ZNF385B: variants seen among roughly 807,000 people sequenced by gnomAD.
ZNF385B encodes the protein zinc finger protein 385B, also known as zinc finger protein 533.
Under a neutral mutation model 39.2 loss-of-function variants are expected in ZNF385B, and 23 were observed. That is an observed-to-expected ratio of 0.59 (90% CI 0.42 to 0.83). The LOEUF is 0.83. Among genes scored for constraint, ZNF385B ranks in the 40% least tolerant of loss-of-function variants. The probability of loss-of-function intolerance (pLI) is 0.00; values close to 1 mark genes in which losing one functional copy is unlikely to be tolerated. For missense variants in ZNF385B, 552 were observed against 598.9 expected (o/e 0.92, Z 0.82); for synonymous variants, 205 against 222.6 (o/e 0.92, Z 0.70).
chr2:179,676,543 G>A (rs1417463449), intron 3 of ZNF385B, among the ~76,000 whole-genome samples: 1 of 152,310 alleles, frequency 6.6e-6, no homozygotes, highest in African/African-American at 2.4e-5. Context: ...AACATGATGA[G>A]ATTTGAGTTC....
chr2:179,598,975 T>A (rs1442148187), intron 3 of ZNF385B, among the ~76,000 whole-genome samples: 1 of 152,168 alleles, frequency 6.6e-6, no homozygotes, highest in Admixed American at 6.6e-5. Context: ...ATGTTTACAG[T>A]AAAAAGAAGA....
chr2:179,818,056 G>C (rs1400735082), intron 1 of ZNF385B, among the ~76,000 whole-genome samples: 1 of 152,226 alleles, frequency 6.6e-6, no homozygotes, highest in East Asian at 1.9e-4. Context: ...GTGAATGTGT[G>C]TGTGTAGTAT....
intron 3 of ZNF385B, among the ~76,000 whole-genome samples, chr2:179,611,038 C>T (rs1001815617): frequency 3.3e-5 from 5 of 151,986 alleles, no homozygotes; most frequent in African/African-American, 1.2e-4. Flanking sequence ...TTCTTTTATT[C>T]TCTTGTCTGA....
intron 1 of ZNF385B, among the ~76,000 whole-genome samples, chr2:179,831,572 T>C (rs948676276): frequency 3.3e-5 from 5 of 152,064 alleles, no homozygotes; most frequent in African/African-American, 1.2e-4. Context: ...TAGAAATACA[T>C]ACACTTGGAA....
chr2:179,693,671 A>T (rs941777924), intron 3 of ZNF385B, among the ~76,000 whole-genome samples: 3 of 152,204 alleles, frequency 2.0e-5, no homozygotes, highest in Admixed American at 2.0e-4. Flanking sequence ...TAAACATGTA[A>T]CATCATTCAA....
At chr2:179,639,196 C>T (rs183357253) in intron 3 of ZNF385B, among the ~76,000 whole-genome samples, 2 of 126,284 alleles carry the variant, frequency 1.6e-5, no homozygotes, top group Admixed American at 2.1e-4. Context: ...CCGCTGTACT[C>T]CAGTCTGGGG....
intron 1 of ZNF385B, among the ~76,000 whole-genome samples, chr2:179,829,328 G>C (rs964212326): frequency 6.6e-6 from 1 of 152,022 alleles, no homozygotes; most frequent in Non-Finnish European, 1.5e-5. Context: ...TCACTTACCA[G>C]AGTGAAAATT....
intron 6 of ZNF385B, among the ~76,000 whole-genome samples, chr2:179,465,006 T>G (rs1275379466): frequency 6.6e-6 from 1 of 152,146 alleles, no homozygotes; most frequent in Non-Finnish European, 1.5e-5. Context: ...GAAGTGGGTG[T>G]GTGAAATATG....
At chr2:179,560,693 C>G (rs2061274370) in intron 3 of ZNF385B, among the ~76,000 whole-genome samples, 1 of 152,140 alleles carries the variant, frequency 6.6e-6, no homozygotes, top group South Asian at 2.1e-4. Flanking sequence ...CTCTCTGTTT[C>G]TGTACATTTG....
At chr2:179,632,391 A>C (rs577771391) in intron 3 of ZNF385B, among the ~76,000 whole-genome samples, 22 of 152,364 alleles carry the variant, frequency 1.4e-4, no homozygotes, top group Non-Finnish European at 1.5e-5. Flanking sequence ...CTCAGGATTA[A>C]GAAACTCACT....
chr2:179,468,424 T>C (rs2052359181), intron 6 of ZNF385B, among the ~76,000 whole-genome samples: 1 of 152,228 alleles, frequency 6.6e-6, no homozygotes, highest in East Asian at 1.9e-4. Context: ...GAAACAGTTA[T>C]TTCTGAGGCA....
At chr2:179,493,789 GTATA>G (rs1559338577) in intron 5 of ZNF385B, among the ~76,000 whole-genome samples, 2 of 113,248 alleles carry the variant, frequency 1.8e-5, no homozygotes, top group African/African-American at 6.5e-5. Context: ...ATACACATAT[GTATA>G]CATATATGTA....
chr2:179,697,905 G>A (rs1698888187), intron 3 of ZNF385B, among the ~76,000 whole-genome samples: 1 of 152,136 alleles, frequency 6.6e-6, no homozygotes, highest in African/African-American at 2.4e-5. Flanking sequence ...CATGGATGAA[G>A]CTGGAAACCA....
intron 5 of ZNF385B, among the ~76,000 whole-genome samples, chr2:179,503,259 G>C (rs2056927244): frequency 6.6e-6 from 1 of 152,142 alleles, no homozygotes; most frequent in African/African-American, 2.4e-5. Flanking sequence ...GGTTCTGCTG[G>C]TGCTCTAAAT....
intron 3 of ZNF385B, among the ~76,000 whole-genome samples, chr2:179,758,491 G>C (rs1052264213): frequency 2.9e-4 from 44 of 152,238 alleles, no homozygotes; most frequent in African/African-American, 9.4e-4. Flanking sequence ...CACCCTCATG[G>C]CCTAATCACC....
At chr2:179,744,881 T>TA (rs1702289056) in intron 3 of ZNF385B, among the ~76,000 whole-genome samples, 1 of 151,978 alleles carries the variant, frequency 6.6e-6, no homozygotes, top group African/African-American at 2.4e-5. Context: ...TAGCCAAGCC[T>TA]AAGCAATAGC....
intron 4 of ZNF385B, among the ~76,000 whole-genome samples, chr2:179,529,031 T>A (rs2105850096): frequency 6.6e-6 from 1 of 152,342 alleles, no homozygotes. Flanking sequence ...AATGTTTACT[T>A]ATACCTCATA....
chr2:179,734,090 T>C (rs1188968429), intron 3 of ZNF385B, among the ~76,000 whole-genome samples: 1 of 152,240 alleles, frequency 6.6e-6, no homozygotes, highest in African/African-American at 2.4e-5. Context: ...CAGACATATC[T>C]TATTATTTTA....
chr2:179,552,251 G>C (rs1406376321), intron 3 of ZNF385B, among the ~76,000 whole-genome samples: 1 of 148,992 alleles, frequency 6.7e-6, no homozygotes, highest in African/African-American at 2.5e-5. Flanking sequence ...ACTTCCTAGT[G>C]GCTCTTCTTT....
Sources: allele counts gnomAD v4.1 joint callset (sites outside exome capture counted in the v4.1 genomes callset), GRCh38; gene constraint gnomAD v4.1.1; transcripts MANE v1.5; gene names NCBI Gene and HGNC (gene_info 2026-07-23, HGNC 2026-07-21).